Variants in FANCA observed in about 807,000 individuals in gnomAD.
The protein encoded by FANCA is FA complementation group A.
FANCA carries 236 observed loss-of-function variants against 194.3 expected under a neutral mutation model. The observed-to-expected ratio is 1.21, with a 90% confidence interval of 1.09 to 1.35. The LOEUF is 1.35. Ranked by LOEUF, FANCA falls within the 40% of genes most tolerant of loss-of-function variation. The pLI is 0.00. For synonymous variants in FANCA, 1,014 were observed against 715.8 expected (o/e 1.42, Z -6.65); for missense variants, 2,628 against 1,813.9 (o/e 1.45, Z -8.15).
chr16:89,775,875 C>T, intron 20 of FANCA, 60 bp from the exon 21 acceptor site: 1 of 1,052,076 alleles, frequency 9.5e-7, no homozygotes, highest in Non-Finnish European at 1.4e-6. Flanking sequence ...TTCAAGATTA[C>T]AATCCCCAAA....
chr16:89,806,133 G>C (rs2040632927), intron 6 of FANCA, among the ~76,000 whole-genome samples: 1 of 151,824 alleles, frequency 6.6e-6, no homozygotes, highest in Non-Finnish European at 1.5e-5. Flanking sequence ...GGCTGGTCTT[G>C]AACTCCTGAC....
intron 6 of FANCA, among the ~76,000 whole-genome samples, chr16:89,807,655 C>A (rs569712840): frequency 6.6e-6 from 1 of 151,974 alleles, no homozygotes; most frequent in Non-Finnish European, 1.5e-5. Context: ...GAGGCAGAGG[C>A]GGGCAGATCC....
chr16:89,806,347 C>CTTTT (rs34862478), intron 6 of FANCA, among the ~76,000 whole-genome samples: 42,614 of 109,534 alleles, frequency 0.39, 8,750 homozygotes, highest in East Asian at 0.91. Context: ...CTATATCATT[C>CTTTT]TTTTTTTTTT....
chr16:89,743,328 G>T (rs900131671), intron 36 of FANCA, among the ~76,000 whole-genome samples: 2 of 152,248 alleles, frequency 1.3e-5, no homozygotes, highest in African/African-American at 4.8e-5. Flanking sequence ...GGACTGCCTG[G>T]CTCTGGCCCC....
intron 15 of FANCA, among the ~76,000 whole-genome samples, chr16:89,783,466 G>C (rs1365704687): frequency 6.6e-6 from 1 of 151,714 alleles, no homozygotes; most frequent in Non-Finnish European, 1.5e-5. Flanking sequence ...CAGGAGAATG[G>C]CGGGAACCCA....
chr16:89,740,171 C>G, intron 38 of FANCA, 72 bp from the exon 39 acceptor site: 1 of 1,201,836 alleles, frequency 8.3e-7, no homozygotes, highest in Non-Finnish European at 1.2e-6. Flanking sequence ...GTACAGCCCT[C>G]AGCACAGAAG....
chr16:89,773,570 G>A (rs928393317), intron 21 of FANCA, among the ~76,000 whole-genome samples, 186 bp from the exon 22 acceptor site: 1 of 151,886 alleles, frequency 6.6e-6, no homozygotes, highest in East Asian at 1.9e-4. Context: ...ATGCCACATC[G>A]AAAATTACAA....
intron 28 of FANCA, among the ~76,000 whole-genome samples, chr16:89,763,035 C>G (rs1042813434): frequency 2.0e-5 from 3 of 151,206 alleles, no homozygotes; most frequent in Middle Eastern, 3.5e-3. Flanking sequence ...ATGATGAGGT[C>G]AGGAGATTGA....
intron 37 of FANCA, 163 bp from the exon 38 acceptor site, chr16:89,741,029 T>C: frequency 3.0e-6 from 2 of 670,772 alleles, no homozygotes; most frequent in Non-Finnish European, 5.4e-6. Flanking sequence ...AGAGACAGCT[T>C]AATTGAGAAT....
chr16:89,767,993 G>A (rs1367946132), intron 26 of FANCA, among the ~76,000 whole-genome samples: 1 of 151,956 alleles, frequency 6.6e-6, no homozygotes, highest in Non-Finnish European at 1.5e-5. Flanking sequence ...CCCAGCCCTC[G>A]GTTTATTTTT....
Position 89,769,934 on chromosome 16 carries a change from C to T in FANCA, c.2407G>A (p.Val803Met), listed in dbSNP as rs769083458. Residue 803 changes from valine (V) to methionine (M), a missense_variant, in exon 26 of 43, where the codon GTG (valine) becomes ATG (methionine). Coordinates refer to ENST00000389301, the MANE Select transcript of FANCA (RefSeq NM_000135.4). ...ESRSALPEVD[V>M]GPPAPGAGLP... ...CCAGCACCAGGTGCAGGAGGACCCA[C>T]ATCCACCTCTGGGAGCGCAGACCTG... 2.0e-5 allele frequency: 33 copies of T among 1,613,954 alleles called. No homozygotes were observed. Among genetic ancestry groups the T allele is most frequent in the Admixed American group, 5.0e-5 (3 of 60,012 alleles).
chr16:89,738,597 C>A lies in FANCA; in HGVS notation c.*4G>T, dbSNP rs751400000. 6.2e-7 allele frequency: 1 copy of A among 1,612,530 alleles called. No homozygotes were observed. The highest frequency in any genetic ancestry group is 1.7e-5 in the Admixed American group (1 of 59,996). ...GCTGGGCTGGTGTGCAGTGGCAGGT[C>A]CCGTCAGAAGAGATGAGGCTCCTGG... On this transcript the variant is annotated 3_prime_UTR_variant, in exon 43 of 43. Transcript: ENST00000389301.
intron 11 of FANCA, among the ~76,000 whole-genome samples, chr16:89,793,129 G>A (rs2040133079): frequency 2.6e-5 from 4 of 152,276 alleles, no homozygotes; most frequent in Middle Eastern, 3.4e-3. Context: ...TCCACAAGAG[G>A]TGGAGGAGCA....
At chr16:89,744,028 G>A (rs1296100797) in intron 36 of FANCA, among the ~76,000 whole-genome samples, 1 of 152,096 alleles carries the variant, frequency 6.6e-6, no homozygotes, top group East Asian at 2.0e-4. Context: ...CTCCTGAGTA[G>A]CTGGGACTAC....
chr16:89,800,400 C>A (rs998619147), intron 8 of FANCA, among the ~76,000 whole-genome samples: 1 of 152,184 alleles, frequency 6.6e-6, no homozygotes, highest in Non-Finnish European at 1.5e-5. Context: ...TCAAACAAAG[C>A]CCACAGACTG....
intron 37 of FANCA, 107 bp from the exon 38 acceptor site, chr16:89,740,973 A>T (rs994895504): frequency 9.9e-7 from 1 of 1,012,450 alleles, no homozygotes; most frequent in African/African-American, 1.6e-5. Flanking sequence ...CATCTAGGCC[A>T]TAAATCCTTT....
At chr16:89,781,104 C>A (rs1280732103) in intron 17 of FANCA, among the ~76,000 whole-genome samples, 1 of 152,126 alleles carries the variant, frequency 6.6e-6, no homozygotes, top group South Asian at 2.1e-4. Flanking sequence ...GTGGCTCACG[C>A]CTGTAATCCC....
chr16:89,763,870 C>A (rs2039035212), intron 28 of FANCA, among the ~76,000 whole-genome samples: 1 of 150,224 alleles, frequency 6.7e-6, no homozygotes, highest in Non-Finnish European at 1.5e-5. Context: ...GAGGCAGAGG[C>A]TGCAGTGAGC....
intron 10 of FANCA, among the ~76,000 whole-genome samples, chr16:89,798,170 T>G (rs1481519841): frequency 6.6e-6 from 1 of 152,098 alleles, no homozygotes; most frequent in African/African-American, 2.4e-5. Context: ...CTCTACCTCA[T>G]GAAGACACAG....
Sources: gnomAD v4.1 joint callset for allele counts (sites outside exome capture counted in the v4.1 genomes callset) on GRCh38, gnomAD v4.1.1 for gene constraint, MANE v1.5 for transcripts, NCBI Gene and HGNC (gene_info 2026-07-23, HGNC 2026-07-21) for gene names.